The following CERS4 variants were observed in gnomAD, a reference collection of about 807,000 sequenced individuals.
CERS4 encodes the protein LAG1 homolog, ceramide synthase 4.
CERS4 carries 65 observed loss-of-function variants against 51.8 expected under a neutral mutation model. The observed-to-expected ratio is 1.26, with a 90% confidence interval of 1.03 to 1.54. The LOEUF (loss-of-function observed/expected upper bound fraction) is 1.54, where lower values mean the gene tolerates loss of function less well. Among genes scored for constraint, CERS4 ranks in the 40% most tolerant of loss-of-function variants. CERS4 has a pLI of 0.00. For synonymous variants in CERS4, 228 were observed against 208.4 expected, an observed-to-expected ratio of 1.09 and a Z score of -0.81; for missense variants, 563 against 500.4, an observed-to-expected ratio of 1.13 and a Z score of -1.19.
At chr19:8,231,884 T>C (rs1178704982) in intron 2 of CERS4, among the ~76,000 whole-genome samples, 4 of 120,190 alleles carry the variant, frequency 3.3e-5, no homozygotes, top group Non-Finnish European at 6.9e-5. Flanking sequence ...AGAGACAGTC[T>C]CCCAGGCTGG....
chr19:8,241,380 T>A (rs1968532698), intron 2 of CERS4: 1 of 152,284 alleles, frequency 6.6e-6, no homozygotes, highest in Non-Finnish European at 1.5e-5. Context: ...AGTGGTGTGA[T>A]CACAGCTCAC....
chr19:8,221,431 C>T (rs1293484454), intron 2 of CERS4, among the ~76,000 whole-genome samples: 1 of 152,116 alleles, frequency 6.6e-6, no homozygotes, highest in Admixed American at 6.6e-5. Context: ...CTAGCCTCTG[C>T]ACGTGATGCC....
At chr19:8,241,920 G>C (rs1968556040) in intron 2 of CERS4, among the ~76,000 whole-genome samples, 1 of 152,146 alleles carries the variant, frequency 6.6e-6, no homozygotes, top group Non-Finnish European at 1.5e-5. Flanking sequence ...AGAAGAACTG[G>C]ATCCAAAAGA....
intron 2 of CERS4, among the ~76,000 whole-genome samples, chr19:8,227,400 C>T (rs537330720): frequency 2.0e-5 from 3 of 152,038 alleles, no homozygotes; most frequent in Admixed American, 2.0e-4. Flanking sequence ...GGTGCGATCT[C>T]GGCTCACTGC....
At chr19:8,259,338 A>C (rs528526221) in intron 10 of CERS4, among the ~76,000 whole-genome samples, 1 of 152,222 alleles carries the variant, frequency 6.6e-6, no homozygotes, top group Admixed American at 6.5e-5. Flanking sequence ...CATGCCCGGC[A>C]TGTTAGAGGA....
chr19:8,252,231 G>A (rs911706771), intron 3 of CERS4, among the ~76,000 whole-genome samples: 7 of 151,894 alleles, frequency 4.6e-5, no homozygotes, highest in South Asian at 2.1e-4. Context: ...TTAGTTGGGT[G>A]TGGTGGCACA....
chr19:8,256,486 C>G, intron 7 of CERS4, 132 bp from the exon 8 acceptor site: 1 of 1,018,014 alleles, frequency 9.8e-7, no homozygotes, highest in Non-Finnish European at 1.5e-6. Flanking sequence ...TTGATTACCT[C>G]CAGGGATGGG....
intron 2 of CERS4, among the ~76,000 whole-genome samples, chr19:8,231,402 G>A (rs1967997083): frequency 6.6e-6 from 1 of 152,138 alleles, no homozygotes; most frequent in African/African-American, 2.4e-5. Flanking sequence ...TTCTCCTGTG[G>A]TGGGTAGCAG....
chr19:8,216,147 G>A (rs764491382), intron 2 of CERS4, among the ~76,000 whole-genome samples: 1 of 152,088 alleles, frequency 6.6e-6, no homozygotes, highest in Non-Finnish European at 1.5e-5. Flanking sequence ...GGGAGCCTGA[G>A]GTGGGCAGAT....
At position 8,255,707 on chromosome 19, in the gene CERS4, A is replaced by G. The variant is rs139357111; in HGVS notation, c.392A>G (p.Lys131Arg). 10 of 1,608,000 alleles carry G rather than the reference A, an allele frequency of 6.2e-6. No homozygotes were observed. The highest frequency in any genetic ancestry group is 1.3e-5 in the African/African-American group (1 of 74,360). ...AACCAGGATCGACCCCAGCTGACCA[A>G]GAAGTTCTGTGAGGCCAGGTAAGCC... is the stretch of plus-strand genomic sequence containing the variant. Reference protein sequence around the residue: ...RRNQDRPQLTKKFCEASWRFL... With the variant: ...RRNQDRPQLTRKFCEASWRFL... Residue 131 changes from lysine to arginine, a missense_variant, in exon 5 of 12, where the codon AAG becomes AGG. By Grantham distance (26) the Lys-to-Arg change is conservative. Coordinates refer to ENST00000251363, the MANE Select transcript of CERS4 (RefSeq NM_024552.3).
At chr19:8,257,769 T>G in intron 9 of CERS4, 110 bp from the exon 10 acceptor site, 1 of 772,834 alleles carries the variant, frequency 1.3e-6, no homozygotes, top group South Asian at 1.5e-5. Context: ...AGGTAGGTAG[T>G]TCCTGGAAAC....
chr19:8,232,769 A>C (rs1968070161), intron 2 of CERS4, among the ~76,000 whole-genome samples: 1 of 145,596 alleles, frequency 6.9e-6, no homozygotes, highest in Non-Finnish European at 1.5e-5. Context: ...TGCCCAGGTT[A>C]GAGTGCTGGT....
chr19:8,246,163 T>C lies in CERS4; in HGVS notation c.-1-4913T>C, dbSNP rs1229988759. 2.0e-5 allele frequency among the ~76,000 whole-genome samples: 3 copies of C among 151,782 alleles called. No homozygotes were observed. In the Middle Eastern group the frequency reaches 0.01, roughly 520 times the overall value. The stretch of plus-strand genomic sequence containing the variant: ...TGACAGGACAGGGGTGGAGGTTGAC[T>C]GGGAAGAGGTATGAGGGAAGTTTCT... On this transcript the variant is annotated intron_variant, in intron 2 of 11. Coordinates refer to ENST00000251363, the MANE Select transcript of CERS4 (RefSeq NM_024552.3).
rs1313435829 is a variant in CERS4, at chr19:8,234,588, C to T, written c.-1-16488C>T. ...TTTTTTTTGGAGACAGAGTCTTGCT[C>T]TATCCCCCAGGCAGGAGTGCAGTGG... is the stretch of plus-strand genomic sequence containing the variant. On this transcript the variant is annotated intron_variant, in intron 2 of 11. Transcript: ENST00000251363. 1.0e-4 allele frequency among the ~76,000 whole-genome samples: 11 copies of T among 109,466 alleles called. No homozygotes were observed. In the East Asian group the frequency reaches 3.5e-3, roughly 35 times the overall value. 71.8% of individuals were successfully genotyped at this position (109,466 alleles called of 152,430 possible).
At chr19:8,227,720 A>G (rs983916359) in intron 2 of CERS4, among the ~76,000 whole-genome samples, 2 of 152,278 alleles carry the variant, frequency 1.3e-5, no homozygotes, top group East Asian at 3.9e-4. Context: ...GAAATCAGCC[A>G]GTCACAAAAG....
At chr19:8,254,151 T>C (rs184778127) in intron 3 of CERS4, among the ~76,000 whole-genome samples, 71 of 150,912 alleles carry the variant, frequency 4.7e-4, no homozygotes, top group African/African-American at 1.6e-3. Context: ...TGAAACCCCG[T>C]CTCTACTAAA....
chr19:8,248,825 G>A (rs190648467), intron 2 of CERS4, among the ~76,000 whole-genome samples: 74 of 145,368 alleles, frequency 5.1e-4, no homozygotes, highest in African/African-American at 1.9e-3. Flanking sequence ...ATGGGTTGAT[G>A]GATGATGGGT....
chr19:8,257,854 C>T (rs755143519), intron 9 of CERS4, 25 bp from the exon 10 acceptor site: 7 of 1,588,186 alleles, frequency 4.4e-6, no homozygotes, highest in Non-Finnish European at 2.6e-6. Context: ...GTCCTGAGCC[C>T]ATTTCTCCCT....
chr19:8,221,872 G>GT (rs71165297), intron 2 of CERS4, among the ~76,000 whole-genome samples: 401 of 39,456 alleles, frequency 0.01, 147 homozygotes, highest in African/African-American at 0.013. Context: ...ATTTTTTTAT[G>GT]TTTTTTTTTT....
Sources: gnomAD v4.1 joint callset for allele counts (sites outside exome capture counted in the v4.1 genomes callset) on GRCh38, gnomAD v4.1.1 for gene constraint, MANE v1.5 for transcripts, NCBI Gene and HGNC (gene_info 2026-07-23, HGNC 2026-07-21) for gene names.